KIDINS220: variants seen among roughly 807,000 people sequenced by gnomAD.
The protein encoded by KIDINS220 is kinase D interacting substrate 220.
In KIDINS220, 63 loss-of-function variants were observed where a neutral mutation model predicts 157.6. That is an observed-to-expected ratio of 0.40 (90% confidence interval 0.33 to 0.49). The LOEUF (loss-of-function observed/expected upper bound fraction) is 0.49. Among genes scored for constraint, KIDINS220 ranks in the 20% least tolerant of loss-of-function variants. The pLI is 0.66. For missense variants in KIDINS220, 1,772 were observed against 2,171.2 expected, an observed-to-expected ratio of 0.82 and a Z score of 3.65; for synonymous variants, 732 against 783.6, an observed-to-expected ratio of 0.93 and a Z score of 1.10.
At chr2:8,780,736 C>G (rs1014976494) in intron 17 of KIDINS220, among the ~76,000 whole-genome samples, 10 of 150,190 alleles carry the variant, frequency 6.7e-5, no homozygotes, top group Middle Eastern at 6.4e-3. Flanking sequence ...ATGCATATTG[C>G]AAACCCTAGG....
At position 8,770,761 on chromosome 2, in the gene KIDINS220, G is replaced by T. The variant is rs765246966; in HGVS notation, c.2920C>A (p.Gln974Lys). 6.2e-7 allele frequency: 1 copy of T among 1,611,812 alleles called. No individual in the cohort carries two copies. Among genetic ancestry groups the T allele is most frequent in the East Asian group, 2.2e-5 (1 of 44,848 alleles). The change falls in exon 22 of 30, where the codon CAG becomes AAG. Residue 974 changes from glutamine to lysine, a missense_variant. Physicochemically the swap from Gln to Lys is moderately conservative, Grantham distance 53. Coordinates refer to ENST00000256707, the MANE Select transcript of KIDINS220 (RefSeq NM_020738.4). Reference sequence around the variant, plus strand: ...AGCCATGAAGTCCGGTATGGCCACTGCTCAGTAAGGTTGATCCAGCTAGCA... The same window carrying T: ...AGCCATGAAGTCCGGTATGGCCACTTCTCAGTAAGGTTGATCCAGCTAGCA... ...RLASWINLTE[Q>K]WPYRTSWLIL... is the part of the protein sequence containing the mutation.
At chr2:8,815,329 G>T (rs1252580714) in intron 4 of KIDINS220, among the ~76,000 whole-genome samples, 1 of 151,564 alleles carries the variant, frequency 6.6e-6, no homozygotes, top group East Asian at 1.9e-4. Flanking sequence ...TGAGCCCAGG[G>T]GATGGAGGTT....
At chr2:8,734,213 TG>T (rs1222694530) in intron 28 of KIDINS220, among the ~76,000 whole-genome samples, 2 of 144,600 alleles carry the variant, frequency 1.4e-5, no homozygotes, top group Non-Finnish European at 3.0e-5. Context: ...CGACATCACC[TG>T]GGGGTGGGGG....
intron 1 of KIDINS220, among the ~76,000 whole-genome samples, chr2:8,836,376 A>C (rs948491476): frequency 2.6e-5 from 4 of 152,248 alleles, no homozygotes; most frequent in African/African-American, 9.6e-5. Context: ...TACCGTTCAC[A>C]CTGTGTGTGA....
Position 8,798,653 on chromosome 2 carries a change from T to A in KIDINS220, c.901-353A>T, listed in dbSNP as rs115856752. ...ATTCTGACCCTTAGATTTTCATCTG[T>A]AACATGCTGTAAGTATTGCCCAATT... On this transcript the variant is annotated intron_variant, in intron 9 of 29. Transcript: ENST00000256707. Among the ~76,000 whole-genome samples, 574 of 152,370 alleles carry A rather than the reference T, an allele frequency of 3.8e-3. 7 individuals are homozygous for A. The highest frequency in any genetic ancestry group is 0.013 in the African/African-American group (554 of 41,588).
chr2:8,726,952 G>C, downstream of KIDINS220: 1 of 1,283,828 alleles, frequency 7.8e-7, no homozygotes, highest in Non-Finnish European at 1.0e-6. Flanking sequence ...TCCTAGGCAT[G>C]AAAGGGTTTA....
At chr2:8,770,538 A>G in intron 22 of KIDINS220, 132 bp downstream of exon 22, 1 of 490,978 alleles carries the variant, frequency 2.0e-6, no homozygotes, top group African/African-American at 2.0e-5. Context: ...TAATGGAATT[A>G]ATAAGAATGA....
chr2:8,812,255 A>G, intron 6 of KIDINS220, 140 bp downstream of exon 6: 1 of 337,098 alleles, frequency 3.0e-6, no homozygotes, highest in Non-Finnish European at 5.4e-6. Context: ...TATGAGATAT[A>G]TATCTATATA....
At chr2:8,788,070 G>C (rs1178310419) in intron 15 of KIDINS220, among the ~76,000 whole-genome samples, 3 of 152,024 alleles carry the variant, frequency 2.0e-5, no homozygotes. Context: ...AGGGAGAAAA[G>C]GTTTATGCTT....
chr2:8,820,518 A>C (rs1467815965), intron 2 of KIDINS220, among the ~76,000 whole-genome samples: 2 of 152,248 alleles, frequency 1.3e-5, no homozygotes, highest in Admixed American at 1.3e-4. Flanking sequence ...GAATAATACA[A>C]GTAAGGATTT....
In KIDINS220 at chr2:8,748,367, A is replaced by C. The variant is rs1453662465; in HGVS notation, c.3415-367T>G. 2.0e-5 allele frequency among the ~76,000 whole-genome samples: 3 copies of C among 152,202 alleles called. No individual in the cohort carries two copies. In the East Asian group the frequency reaches 5.8e-4, roughly 29 times the overall value. The stretch of plus-strand genomic sequence containing the variant: ...AATCTTTTTAAAAGAAGCAGACTGG[A>C]ATCTTAATACTATTCCTTACCAATA... On this transcript the variant is annotated intron_variant, in intron 24 of 29. Coordinates refer to ENST00000256707, the MANE Select transcript of KIDINS220 (RefSeq NM_020738.4).
chr2:8,752,719 G>T (rs1667531029), intron 22 of KIDINS220, among the ~76,000 whole-genome samples: 1 of 151,976 alleles, frequency 6.6e-6, no homozygotes, highest in South Asian at 2.1e-4. Flanking sequence ...TTAAAAAAAA[G>T]CTAAGTTTTT....
At chr2:8,754,703 T>A (rs1667775985) in intron 22 of KIDINS220, among the ~76,000 whole-genome samples, 1 of 152,242 alleles carries the variant, frequency 6.6e-6, no homozygotes, top group African/African-American at 2.4e-5. Flanking sequence ...TTGGCAGAAA[T>A]TGCATAAACT....
chr2:8,768,826 CAA>C (rs1253919865), intron 22 of KIDINS220, among the ~76,000 whole-genome samples: 1 of 150,248 alleles, frequency 6.7e-6, no homozygotes, highest in Non-Finnish European at 1.5e-5. Flanking sequence ...ATATGTTAAT[CAA>C]AGTGTCTTCC....
intron 2 of KIDINS220, among the ~76,000 whole-genome samples, chr2:8,826,070 T>C (rs1678772095): frequency 6.6e-6 from 1 of 151,660 alleles, no homozygotes; most frequent in Non-Finnish European, 1.5e-5. Context: ...GGTGACAGAG[T>C]GAGACTCCAT....
intron 11 of KIDINS220, among the ~76,000 whole-genome samples, chr2:8,794,839 G>A (rs139184545): frequency 6.6e-6 from 1 of 152,244 alleles, no homozygotes; most frequent in Non-Finnish European, 1.5e-5. Context: ...TTCTTCCTGT[G>A]GCTTCCAAGG....
chr2:8,760,562 A>T (rs1668615558), intron 22 of KIDINS220, among the ~76,000 whole-genome samples: 1 of 152,220 alleles, frequency 6.6e-6, no homozygotes, highest in African/African-American at 2.4e-5. Flanking sequence ...ATCACAAAGA[A>T]AGTTTAAACA....
chr2:8,826,932 C>T, intron 2 of KIDINS220, 54 bp downstream of exon 2: 1 of 947,368 alleles, frequency 1.1e-6, no homozygotes, highest in Non-Finnish European at 1.7e-6. Flanking sequence ...CTATACATAG[C>T]AGGCAGTCAA....
chr2:8,809,656 G>A (rs1458936537), intron 6 of KIDINS220, among the ~76,000 whole-genome samples: 11 of 151,066 alleles, frequency 7.3e-5, no homozygotes, highest in Admixed American at 6.6e-4. Flanking sequence ...CTCTATGTCC[G>A]CTATCTAGTA....
Sources: allele counts gnomAD v4.1 joint callset (sites outside exome capture counted in the v4.1 genomes callset), GRCh38; gene constraint gnomAD v4.1.1; transcripts MANE v1.5; gene names NCBI Gene and HGNC (gene_info 2026-07-23, HGNC 2026-07-21).